The following PDE4D variants were observed in gnomAD, a reference collection of about 807,000 sequenced individuals.
The protein encoded by PDE4D is phosphodiesterase 4D.
A neutral mutation model predicts 87.4 loss-of-function variants in PDE4D; 24 were observed. The ratio of observed to expected loss-of-function variants is 0.27; its 90% confidence interval spans 0.20 to 0.39. The LOEUF is 0.39. Ranked by LOEUF, PDE4D falls within the 10% of genes least tolerant of loss-of-function variation. PDE4D has a pLI of 1.00. For synonymous variants in PDE4D, 384 were observed against 383.2 expected, an observed-to-expected ratio of 1.00 and a Z score of -0.02; for missense variants, 714 against 1,041.0, an observed-to-expected ratio of 0.69 and a Z score of 4.32.
chr5:59,817,778 G>T (rs1769166663), intron 1 of PDE4D, among the ~76,000 whole-genome samples: 1 of 150,684 alleles, frequency 6.6e-6, no homozygotes, highest in African/African-American at 2.4e-5. Context: ...GCCATGTGAG[G>T]ACATAGTGAA....
At chr5:60,279,287 G>C (rs796461186) in intron 1 of PDE4D, among the ~76,000 whole-genome samples, 6 of 152,170 alleles carry the variant, frequency 3.9e-5, no homozygotes, top group African/African-American at 1.2e-4. Flanking sequence ...CCAGTCAGGA[G>C]AAGAAAGAGC....
chr5:59,209,961 C>T (rs2153502523), intron 2 of PDE4D, among the ~76,000 whole-genome samples: 1 of 152,330 alleles, frequency 6.6e-6, no homozygotes, highest in Admixed American at 6.5e-5. Flanking sequence ...CCCTCTGTTG[C>T]CTCAGGACAC....
At chr5:59,088,917 C>CATGT (rs1768199003) in intron 5 of PDE4D, among the ~76,000 whole-genome samples, 1 of 152,146 alleles carries the variant, frequency 6.6e-6, no homozygotes, top group East Asian at 1.9e-4. Flanking sequence ...CAAATCTGTA[C>CATGT]ATGTACCCCT....
At chr5:60,144,791 C>T (rs1383331787) in intron 2 of PDE4D, among the ~76,000 whole-genome samples, 1 of 152,128 alleles carries the variant, frequency 6.6e-6, no homozygotes, top group Non-Finnish European at 1.5e-5. Context: ...TTGCCTTTGT[C>T]CAATGTATAT....
chr5:59,968,661 A>T (rs1760345233), intron 3 of PDE4D, among the ~76,000 whole-genome samples: 2 of 130,172 alleles, frequency 1.5e-5, no homozygotes, highest in South Asian at 5.3e-4. Flanking sequence ...ATACAAAATA[A>T]TAGTGAAACC....
rs143149540 is a variant in PDE4D, at chr5:59,552,413, T to A, written c.456-336445A>T. Among the ~76,000 whole-genome samples the A allele has an allele frequency of 7.5e-3, 1,141 of 152,290 alleles. 14 individuals are homozygous for A. Among genetic ancestry groups the A allele is most frequent in the African/African-American group, 0.026 (1,090 of 41,552 alleles). ...CACATAGCTATAAAGTCAGTTTTCA[T>A]TTTATATTTTATGTTTCAAGTTGTT... On this transcript the variant is annotated intron_variant, in intron 1 of 14. Coordinates refer to ENST00000340635, the MANE Select transcript of PDE4D (RefSeq NM_001104631.2).
At chr5:60,048,163 T>C (rs1769552993) in intron 2 of PDE4D, among the ~76,000 whole-genome samples, 1 of 151,962 alleles carries the variant, frequency 6.6e-6, no homozygotes, top group Non-Finnish European at 1.5e-5. Context: ...TTAAAGTCTG[T>C]TTTATCAGAG....
intron 1 of PDE4D, among the ~76,000 whole-genome samples, chr5:59,771,534 G>GAAAGA (rs1763567794): frequency 3.4e-5 from 5 of 147,524 alleles, no homozygotes; most frequent in African/African-American, 1.3e-4. Flanking sequence ...AAGAAAGAAA[G>GAAAGA]AAAGAAAGAA....
intron 1 of PDE4D, among the ~76,000 whole-genome samples, chr5:59,734,185 T>G (rs1281878815): frequency 6.6e-6 from 1 of 152,144 alleles, no homozygotes; most frequent in Non-Finnish European, 1.5e-5. Flanking sequence ...AGGTACTGGT[T>G]TTATTTAAAG....
chr5:59,756,871 C>G (rs930579443), intron 1 of PDE4D, among the ~76,000 whole-genome samples: 11 of 143,832 alleles, frequency 7.6e-5, no homozygotes, highest in Admixed American at 7.1e-5. Context: ...AATCTCGGCT[C>G]AAAGCAACCT....
intron 1 of PDE4D, among the ~76,000 whole-genome samples, chr5:60,380,777 T>C (rs1469845944): frequency 6.6e-6 from 1 of 152,158 alleles, no homozygotes; most frequent in Non-Finnish European, 1.5e-5. Context: ...GCAGAGATAA[T>C]AAAAATCACA....
At position 59,220,142 on chromosome 5, in the gene PDE4D, T is replaced by C. The variant is rs948302346; in HGVS notation, c.456-4174A>G. 2.6e-5 allele frequency among the ~76,000 whole-genome samples: 4 copies of C among 152,108 alleles called. No individual in the cohort carries two copies. In the South Asian group the frequency reaches 8.3e-4, roughly 32 times the overall value. The stretch of plus-strand genomic sequence containing the variant: ...AAACACACAAATCAACTTTTAACAT[T>C]GAAATCTCAGGGGAGTAAGATGAGG... On this transcript the variant is annotated intron_variant, in intron 1 of 14. Transcript: ENST00000340635.
chr5:59,332,395 T>G (rs141932278), intron 1 of PDE4D, among the ~76,000 whole-genome samples: 42 of 152,310 alleles, frequency 2.8e-4, no homozygotes, highest in African/African-American at 7.7e-4. Context: ...TGGGGTCCAT[T>G]ATGAGTGACA....
intron 1 of PDE4D, among the ~76,000 whole-genome samples, chr5:59,686,336 T>C (rs1001480945): frequency 1.3e-5 from 2 of 152,114 alleles, no homozygotes; most frequent in African/African-American, 4.8e-5. Flanking sequence ...ATACCTATTG[T>C]AAAGATGAAG....
chr5:59,048,291 A>C (rs1761021494), intron 5 of PDE4D, among the ~76,000 whole-genome samples: 1 of 152,194 alleles, frequency 6.6e-6, no homozygotes, highest in African/African-American at 2.4e-5. Context: ...TTAGGAATCA[A>C]TTTTATTTCC....
intron 6 of PDE4D, among the ~76,000 whole-genome samples, chr5:59,023,787 T>C (rs949027056): frequency 6.6e-5 from 10 of 152,206 alleles, no homozygotes; most frequent in Non-Finnish European, 1.5e-4. Flanking sequence ...AGGTAAATAC[T>C]GGTGTTTCCC....
intron 1 of PDE4D, among the ~76,000 whole-genome samples, chr5:59,502,742 C>T (rs1199600734): frequency 6.7e-6 from 1 of 150,062 alleles, no homozygotes; most frequent in Non-Finnish European, 1.5e-5. Flanking sequence ...TTGTAAAACT[C>T]TCCTTAGGGA....
At position 60,451,754 on chromosome 5, in the gene PDE4D, C is replaced by T. The variant is rs539192210; in HGVS notation, c.-90+36188G>A. ...TTCCATGGGACCCTCTGCTATGCTG[C>T]CGAACTCTCTACAGAGACAAAAGGG... On this transcript the variant is annotated intron_variant, in intron 1 of 16. Transcript: ENST00000502484. Among the ~76,000 whole-genome samples the T allele has an allele frequency of 1.1e-4, 16 of 152,144 alleles. No individual in the cohort carries two copies. The South Asian group carries it at 2.5e-3, about 24-fold the overall frequency.
intron 11 of PDE4D, among the ~76,000 whole-genome samples, chr5:58,986,286 T>TA (rs1746403708): frequency 6.6e-6 from 1 of 152,198 alleles, no homozygotes; most frequent in African/African-American, 2.4e-5. Context: ...TCTCAAACTT[T>TA]AGAGTATCAG....
Sources: allele counts gnomAD v4.1 joint callset (sites outside exome capture counted in the v4.1 genomes callset), GRCh38; gene constraint gnomAD v4.1.1; transcripts MANE v1.5; gene names NCBI Gene and HGNC (gene_info 2026-07-23, HGNC 2026-07-21).